CLN3: variants seen among roughly 807,000 people sequenced by gnomAD.
CLN3 encodes CLN3 lysosomal/endosomal transmembrane protein, battenin, also known as battenin.
A neutral mutation model predicts 60.7 loss-of-function variants in CLN3; 49 were observed. The observed-to-expected ratio is 0.81, with a 90% confidence interval of 0.64 to 1.02. CLN3 has a LOEUF of 1.02. Among genes scored for constraint, CLN3 ranks in the 50% least tolerant of loss-of-function variants. The probability of loss-of-function intolerance (pLI) is 0.00; values close to 1 mark genes in which losing one functional copy is unlikely to be tolerated. For missense variants in CLN3, 516 were observed against 557.4 expected, an observed-to-expected ratio of 0.93 and a Z score of 0.75; for synonymous variants, 256 against 245.8, an observed-to-expected ratio of 1.04 and a Z score of -0.39.
chr16:28,479,913 C>G (rs2046058787), intron 14 of CLN3: 1 of 154,896 alleles, frequency 6.5e-6, no homozygotes, highest in Admixed American at 6.5e-5. Flanking sequence ...CAGCACTGCT[C>G]AGATAAATAA....
rs778321651 is a variant in CLN3 at position 28,486,628 on chromosome 16, T to C, written c.483A>G (p.Ser161=). The stretch of plus-strand genomic sequence containing the variant: ...GGAAGGTGACCTCCCCAAGGCCTGA[T>C]GAGATGCTAGCGAAGACCACACCTG... ...SLCGVVFASI[S]SGLGEVTFLS... is the part of the protein sequence containing the mutation. Residue 161 remains serine, a synonymous_variant, in exon 8 of 16, where the codon TCA becomes TCG. Transcript: ENST00000636147. The C allele has an allele frequency of 1.2e-6, 2 of 1,610,362 alleles. No homozygotes were observed. Among genetic ancestry groups the C allele is most frequent in the South Asian group, 1.1e-5 (1 of 90,324 alleles).
At chr16:28,472,516 T>C (rs994944059), downstream of CLN3, among the ~76,000 whole-genome samples, 1 of 151,994 alleles carries the variant, frequency 6.6e-6, no homozygotes, top group Non-Finnish European at 1.5e-5. Flanking sequence ...AAGATCTAAA[T>C]GTAAGAGCTA....
intron 5 of CLN3, 49 bp from the exon 6 acceptor site, chr16:28,487,790 C>T (rs753361662): frequency 1.3e-6 from 2 of 1,495,568 alleles, no homozygotes; most frequent in Non-Finnish European, 1.8e-6. Context: ...GGGGACAACC[C>T]TCCCAACCAC....
At chr16:28,489,236 C>G in intron 4 of CLN3, 54 bp downstream of exon 4, 1 of 1,385,254 alleles carries the variant, frequency 7.2e-7, no homozygotes, top group Non-Finnish European at 1.0e-6. Flanking sequence ...TTGTCCCACC[C>G]CCTCATCTTC....
rs776966610 is a variant in CLN3, at chr16:28,484,059, TCTG to T, written c.734_736del (p.Ala245del). 8.7e-5 allele frequency: 140 copies of T among 1,612,688 alleles called. No individual in the cohort carries two copies. The highest frequency in any genetic ancestry group is 4.9e-4 in the Middle Eastern group (3 of 6,074). Reference sequence around the variant, plus strand: ...TATGAGGGGCTGCCGGGCTGCGCTCTCTGCTTCTTCTTCCCCTCCAGGGTCCTG... The same window carrying T: ...TATGAGGGGCTGCCGGGCTGCGCTCTCTTCTTCTTCCCCTCCAGGGTCCTG... On this transcript the variant is annotated inframe_deletion, in exon 10 of 16. Coordinates refer to ENST00000636147, the MANE Select transcript of CLN3 (RefSeq NM_001042432.2).
chr16:28,474,099 C>T (rs2045972818), downstream of CLN3: 1 of 152,228 alleles, frequency 6.6e-6, no homozygotes, highest in Non-Finnish European at 1.5e-5. Flanking sequence ...GAAACCTCGT[C>T]TCCATAACAA....
chr16:28,482,798 T>A, intron 10 of CLN3, 126 bp from the exon 11 acceptor site: 1 of 1,017,526 alleles, frequency 9.8e-7, no homozygotes, highest in Non-Finnish European at 1.5e-6. Context: ...GCCACTGGAT[T>A]GGACACTTAA....
downstream of CLN3, among the ~76,000 whole-genome samples, chr16:28,474,764 CA>C (rs1196939496): frequency 6.6e-6 from 1 of 152,084 alleles, no homozygotes; most frequent in Non-Finnish European, 1.5e-5. Context: ...ATAGTTAAGT[CA>C]AAAAATTGAA....
intron 5 of CLN3, chr16:28,488,010 T>C: frequency 2.3e-6 from 1 of 444,082 alleles, no homozygotes; most frequent in Non-Finnish European, 4.2e-6. Flanking sequence ...AATGAGCTAA[T>C]ATATGGTGCA....
At chr16:28,481,993 A>G (rs987579832) in intron 14 of CLN3, 112 bp downstream of exon 14, 1 of 807,670 alleles carries the variant, frequency 1.2e-6, no homozygotes, top group Non-Finnish European at 2.0e-6. Context: ...TCTCAAAAAA[A>G]AAAAAAAAAA....
Position 28,490,759 on chromosome 16 carries a change from C to CAAA in CLN3, c.125+720_125+722dup, listed in dbSNP as rs772260404. Among the ~76,000 whole-genome samples, 79 of 54,996 alleles carry CAAA rather than the reference C, an allele frequency of 1.4e-3. 1 individual carries two copies. Among genetic ancestry groups the CAAA allele is most frequent in the African/African-American group, 4.8e-3 (65 of 13,452 alleles). 36.1% of individuals were successfully genotyped at this position (54,996 alleles called of 152,430 possible). A position where few individuals can be genotyped will look rare whatever the true frequency, so the allele number is the denominator to read the frequency against. On this transcript the variant is annotated intron_variant, in intron 3 of 15. Coordinates refer to ENST00000636147, the MANE Select transcript of CLN3 (RefSeq NM_001042432.2). ...TGGAGGACAGAGAGAGACTCCGTCTCAAAAAAAAAAAAAAAAAAAAAGGTT... is the reference window on the plus strand; with the variant it reads ...TGGAGGACAGAGAGAGACTCCGTCTCAAAAAAAAAAAAAAAAAAAAAAAAGGTT...
intron 14 of CLN3, chr16:28,479,543 C>T (rs952024622): frequency 3.3e-4 from 50 of 153,056 alleles, no homozygotes; most frequent in Admixed American, 3.9e-4. Flanking sequence ...GCCAAGATCA[C>T]GCCATTGTAC....
chr16:28,477,493 C>T lies in CLN3; in HGVS notation c.*23G>A. ...CCCTCTGCCCACAGGTGAATGTGAC[C>T]TGCGTCCTGAGGATCCCGAGTATCA... On this transcript the variant is annotated 3_prime_UTR_variant, in exon 16 of 16. Transcript: ENST00000636147. 1.2e-6 allele frequency: 2 copies of T among 1,612,250 alleles called. No homozygotes were observed. The highest frequency in any genetic ancestry group is 2.2e-5 in the South Asian group (2 of 90,990).
intron 9 of CLN3, chr16:28,484,433 C>T (rs1205019489): frequency 1.8e-5 from 6 of 324,972 alleles, no homozygotes; most frequent in Non-Finnish European, 3.6e-5. Context: ...ACTGCAGCCG[C>T]GACCTCCCAG....
At chr16:28,477,214 G>GAAA, downstream of CLN3, 1 of 436,914 alleles carries the variant, frequency 2.3e-6, no homozygotes, top group Non-Finnish European at 4.3e-6. Context: ...CTATATATAG[G>GAAA]AAAGTGGGCA....
chr16:28,491,194 G>C (rs906279853), intron 3 of CLN3: 9 of 463,320 alleles, frequency 1.9e-5, no homozygotes, highest in African/African-American at 1.6e-4. Flanking sequence ...GTGATTTAAA[G>C]TTTTCTTTTT....
chr16:28,491,827 G>T lies in CLN3; in HGVS notation c.-68C>A, dbSNP rs889771099. 10 of 1,583,818 alleles carry T rather than the reference G, an allele frequency of 6.3e-6. No individual in the cohort carries two copies. Among genetic ancestry groups the T allele is most frequent in the Non-Finnish European group, 8.6e-6 (10 of 1,161,894 alleles). On this transcript the variant is annotated 5_prime_UTR_variant, in exon 2 of 16. Transcript: ENST00000636147. ...GTCCAAAGGGGGCTCCCACGGGAGG[G>T]ATGAGGGTCTGCGACAGGTGACAAG...
intron 9 of CLN3, 110 bp downstream of exon 9, chr16:28,486,237 C>G (rs928977177): frequency 6.3e-6 from 9 of 1,420,200 alleles, no homozygotes; most frequent in Non-Finnish European, 7.8e-6. Flanking sequence ...GGCGATCTGC[C>G]CTCCTTGGCC....
chr16:28,481,460 A>ACACGCACG (rs761076929), intron 14 of CLN3, among the ~76,000 whole-genome samples: 2 of 148,776 alleles, frequency 1.3e-5, no homozygotes, highest in African/African-American at 2.5e-5. Flanking sequence ...ACACGCACAC[A>ACACGCACG]CACACACACA....
Sources: allele counts gnomAD v4.1 joint callset (sites outside exome capture counted in the v4.1 genomes callset), GRCh38; gene constraint gnomAD v4.1.1; transcripts MANE v1.5; gene names NCBI Gene and HGNC (gene_info 2026-07-23, HGNC 2026-07-21).